SLC24A2: variants seen among roughly 807,000 people sequenced by gnomAD.
SLC24A2 encodes sodium/potassium/calcium exchanger 2.
In SLC24A2, 36 loss-of-function variants were observed where a neutral mutation model predicts 62.0. The ratio of observed to expected loss-of-function variants is 0.58; its 90% CI spans 0.44 to 0.77. SLC24A2 has a LOEUF of 0.77. Among genes scored for constraint, SLC24A2 ranks in the 30% least tolerant of loss-of-function variants. The pLI, the probability that SLC24A2 is intolerant of heterozygous loss-of-function variation, is 0.00. For missense variants in SLC24A2, 846 were observed against 817.9 expected, an observed-to-expected ratio of 1.03 and a Z score of -0.42; for synonymous variants, 358 against 294.0, an observed-to-expected ratio of 1.22 and a Z score of -2.23.
At chr9:19,820,839 T>C in the SLC24A2 span, among the ~76,000 whole-genome samples, 2 of 152,064 alleles carry the variant, frequency 1.3e-5, no homozygotes, top group Admixed American at 6.6e-5. Context: ...CAAATCTACA[T>C]GTTCTCAGCA....
At chr9:19,862,427 T>C in the SLC24A2 span, among the ~76,000 whole-genome samples, 1 of 152,094 alleles carries the variant, frequency 6.6e-6, no homozygotes, top group Non-Finnish European at 1.5e-5. Flanking sequence ...AGACCTGTCC[T>C]ACAAGAATGC....
the SLC24A2 span, among the ~76,000 whole-genome samples, chr9:20,071,306 T>C: frequency 6.6e-6 from 1 of 152,162 alleles, no homozygotes; most frequent in African/African-American, 2.4e-5. Context: ...AGAACTGAGA[T>C]ATTGGAGTTC....
chr9:20,180,479 A>C, the SLC24A2 span, among the ~76,000 whole-genome samples: 1 of 152,256 alleles, frequency 6.6e-6, no homozygotes, highest in Admixed American at 6.5e-5. Flanking sequence ...CATTTTTAAA[A>C]ATTCATCCAA....
chr9:20,219,093 T>C, the SLC24A2 span, among the ~76,000 whole-genome samples: 1 of 152,188 alleles, frequency 6.6e-6, no homozygotes, highest in Admixed American at 6.5e-5. Context: ...AGGAAGTAAA[T>C]GTACAATCCC....
the SLC24A2 span, among the ~76,000 whole-genome samples, chr9:20,158,273 T>A: frequency 8.6e-5 from 13 of 151,800 alleles, no homozygotes; most frequent in South Asian, 2.7e-3. Flanking sequence ...TAATAAGAGG[T>A]TACACAGGTC....
the SLC24A2 span, among the ~76,000 whole-genome samples, chr9:19,873,507 TTTTC>T: frequency 7.3e-6 from 1 of 137,074 alleles, no homozygotes; most frequent in African/African-American, 2.5e-5. Context: ...CTTTCTTTCT[TTTTC>T]TTTCTCTCTC....
the SLC24A2 span, among the ~76,000 whole-genome samples, chr9:20,069,370 A>G: frequency 6.6e-6 from 1 of 152,236 alleles, no homozygotes; most frequent in South Asian, 2.1e-4. Context: ...TTCCCGTGAC[A>G]GCACTTATAA....
the SLC24A2 span, among the ~76,000 whole-genome samples, chr9:20,281,822 C>A: frequency 6.6e-6 from 1 of 152,136 alleles, no homozygotes; most frequent in Non-Finnish European, 1.5e-5. Flanking sequence ...ATAGAATAAT[C>A]TGGGGAAAAT....
At chr9:20,222,941 A>T in the SLC24A2 span, among the ~76,000 whole-genome samples, 2 of 152,108 alleles carry the variant, frequency 1.3e-5, no homozygotes, top group Non-Finnish European at 1.5e-5. Flanking sequence ...GAAGAAAAAA[A>T]AGCAGCATTA....
intron 1 of SLC24A2, among the ~76,000 whole-genome samples, chr9:19,787,778 A>T (rs1823219790): frequency 6.6e-6 from 1 of 152,216 alleles, no homozygotes; most frequent in South Asian, 2.1e-4. Context: ...GCAGCTTAGT[A>T]AGTCAAAGAA....
At chr9:20,251,060 T>C in the SLC24A2 span, among the ~76,000 whole-genome samples, 1 of 152,226 alleles carries the variant, frequency 6.6e-6, no homozygotes, top group African/African-American at 2.4e-5. Flanking sequence ...TAGTCTCTGC[T>C]GGACTCAGCC....
In SLC24A2 at chr9:19,516,103, G is replaced by T. The variant is rs1193617905; in HGVS notation, c.*50C>A. ...AAGAGGTCAAGGAGCCCAGAGCCCA[G>T]AGTGTGGAGGGACCATTCATGCTGC... is the stretch of plus-strand genomic sequence containing the variant. On this transcript the variant is annotated 3_prime_UTR_variant, in exon 11 of 11. Transcript: ENST00000341998. The T allele has an allele frequency of 6.2e-7, 1 of 1,611,788 alleles. No homozygotes were observed. Among genetic ancestry groups the T allele is most frequent in the East Asian group, 2.2e-5 (1 of 44,858 alleles).
the SLC24A2 span, among the ~76,000 whole-genome samples, chr9:19,998,841 C>T: frequency 6.6e-6 from 1 of 152,222 alleles, no homozygotes; most frequent in Non-Finnish European, 1.5e-5. Context: ...GCTTGCTATA[C>T]ATAGCAGCTT....
intron 7 of SLC24A2, among the ~76,000 whole-genome samples, chr9:19,563,556 A>G (rs887150171): frequency 6.6e-6 from 1 of 152,170 alleles, no homozygotes; most frequent in African/African-American, 2.4e-5. Context: ...AATCCCTATC[A>G]GAGCTAACAT....
the SLC24A2 span, among the ~76,000 whole-genome samples, chr9:20,264,248 A>G: frequency 2.6e-5 from 4 of 152,234 alleles, no homozygotes; most frequent in African/African-American, 7.2e-5. Context: ...TAAGGTTAGC[A>G]TAAGTATCTA....
the SLC24A2 span, among the ~76,000 whole-genome samples, chr9:20,217,423 T>C: frequency 1.8e-4 from 27 of 152,192 alleles, no homozygotes; most frequent in Non-Finnish European, 4.4e-5. Context: ...GTTCCCTTTG[T>C]ATAATTGATC....
chr9:19,949,295 C>A, the SLC24A2 span, among the ~76,000 whole-genome samples: 1 of 152,114 alleles, frequency 6.6e-6, no homozygotes, highest in East Asian at 1.9e-4. Context: ...CGCCTGGCCC[C>A]CACCTTCCAT....
In SLC24A2 at chr9:19,546,421, G is replaced by A. The variant is rs1172932254; in HGVS notation, c.1479+3716C>T. Among the ~76,000 whole-genome samples the A allele has an allele frequency of 3.9e-5, 6 of 152,268 alleles. 1 individual carries two copies. The South Asian group carries it at 1.0e-3, about 26-fold the overall frequency. ...AATCTATAGAAGCAGTCTGGCCACAGAGGCCTTGCTGAGCTGCAGTGGGCT... is the reference window on the plus strand; with the variant it reads ...AATCTATAGAAGCAGTCTGGCCACAAAGGCCTTGCTGAGCTGCAGTGGGCT... On this transcript the variant is annotated intron_variant, in intron 8 of 10. Coordinates refer to ENST00000341998, the MANE Select transcript of SLC24A2 (RefSeq NM_020344.4).
At chr9:19,726,427 C>T (rs1172307137) in intron 2 of SLC24A2, among the ~76,000 whole-genome samples, 1 of 152,042 alleles carries the variant, frequency 6.6e-6, no homozygotes, top group Non-Finnish European at 1.5e-5. Flanking sequence ...GTTTGTTCAT[C>T]TTGTTTTATT....
Sources: gnomAD v4.1 joint callset for allele counts (sites outside exome capture counted in the v4.1 genomes callset) on GRCh38, gnomAD v4.1.1 for gene constraint, MANE v1.5 for transcripts, NCBI Gene and HGNC (gene_info 2026-07-23, HGNC 2026-07-21) for gene names.